UTP15: variants seen among roughly 807,000 people sequenced by gnomAD.
The protein encoded by UTP15 is U3 small nucleolar RNA-associated protein 15 homolog.
UTP15 carries 5 observed loss-of-function variants against 59.1 expected under a neutral mutation model. That is an observed-to-expected ratio of 0.08 (90% CI 0.04 to 0.18). UTP15 has a LOEUF of 0.18. Ranked by LOEUF, UTP15 falls within the 10% of genes least tolerant of loss-of-function variation. The pLI is 1.00. For synonymous variants in UTP15, 211 were observed against 212.2 expected, an observed-to-expected ratio of 0.99 and a Z score of 0.05; for missense variants, 494 against 616.7, an observed-to-expected ratio of 0.80 and a Z score of 2.11.
chr5:73,576,954 A>G lies in UTP15; in HGVS notation c.812A>G (p.Lys271Arg), dbSNP rs758200581. The G allele has an allele frequency of 1.3e-6, 2 of 1,576,754 alleles. No homozygotes were observed. Among genetic ancestry groups the G allele is most frequent in the South Asian group, 1.2e-5 (1 of 84,714 alleles). ...QRLLSGSLDRKVKVYSTTSYK... is the reference protein window; with the variant it reads ...QRLLSGSLDRRVKVYSTTSYK... ...ACAAAGCTTTTCCTTTTTATTAGGA[A>G]GGTGAAAGTATACAGCACAACTTCC... The change falls in exon 8 of 13, where the codon AAG becomes AGG. Residue 271 changes from lysine (K) to arginine (R), a missense_variant and splice_region_variant. By Grantham distance (26) the Lys-to-Arg change is conservative. Coordinates refer to ENST00000296792, the MANE Select transcript of UTP15 (RefSeq NM_032175.4).
At position 73,583,165 on chromosome 5, in the gene UTP15, A is replaced by G. The variant is rs1026685405; in HGVS notation, c.*3071A>G. On this transcript the variant is annotated 3_prime_UTR_variant, in exon 13 of 13. Transcript: ENST00000296792. The stretch of plus-strand genomic sequence containing the variant: ...GCCGCATGCCTGTTCCCTCAGCTAT[A>G]GTTAACTGGACCATGGTGGTACAAC... 1.3e-5 allele frequency: 2 copies of G among 152,200 alleles called. No individual in the cohort carries two copies. The highest frequency in any genetic ancestry group is 2.4e-5 in the African/African-American group (1 of 41,448). 9.4% of individuals were successfully genotyped at this position (152,200 alleles called of 1,614,324 possible).
rs188453797 is a variant in UTP15, at chr5:73,573,513, G to T, written c.809+889G>T. ...TCTGCCCACCACGCCCTCCCAAAGTGCTGGGATTACAGGTGTGAGCCACTG... is the reference window on the plus strand; with the variant it reads ...TCTGCCCACCACGCCCTCCCAAAGTTCTGGGATTACAGGTGTGAGCCACTG... On this transcript the variant is annotated intron_variant, in intron 7 of 12. Transcript: ENST00000296792. Among the ~76,000 whole-genome samples, 540 of 151,838 alleles carry T rather than the reference G, an allele frequency of 3.6e-3. 6 individuals carry two copies. The highest frequency in any genetic ancestry group is 0.029 in the Admixed American group (447 of 15,236).
At chr5:73,577,749 G>A in intron 8 of UTP15, 107 bp from the exon 9 acceptor site, 1 of 924,316 alleles carries the variant, frequency 1.1e-6, no homozygotes, top group Non-Finnish European at 1.6e-6. Context: ...GGAACTGTTG[G>A]TGAATGTATG....
chr5:73,578,051 G>T, intron 9 of UTP15, 46 bp downstream of exon 9: 1 of 1,561,750 alleles, frequency 6.4e-7, no homozygotes, highest in Non-Finnish European at 8.6e-7. Context: ...AAATTTGTTA[G>T]AGTAGCCAGC....
chr5:73,578,789 A>C lies in UTP15; in HGVS notation c.1083A>C (p.Leu361=), dbSNP rs746925172. Residue 361 remains leucine (L), a synonymous_variant, in exon 10 of 13, where the codon CTA becomes CTC. Coordinates refer to ENST00000296792, the MANE Select transcript of UTP15 (RefSeq NM_032175.4). ...ILINRPAKKH[L]ELYDRDLKHF... ...TTAACAGGCCAGCAAAGAAGCACCT[A>C]GAATTGTATGACAGGGATCTGAAAC... 70 of 1,613,356 alleles carry C rather than the reference A, an allele frequency of 4.3e-5. No individual in the cohort carries two copies. The highest frequency in any genetic ancestry group is 5.7e-5 in the Non-Finnish European group (67 of 1,179,496).
In UTP15 at chr5:73,579,301, A is replaced by C. The variant is rs899690873; in HGVS notation, c.1281-16A>C. 3 of 1,605,396 alleles carry C rather than the reference A, an allele frequency of 1.9e-6. No homozygotes were observed. The highest frequency in any genetic ancestry group is 3.4e-5 in the Admixed American group (2 of 58,426). On this transcript the variant is annotated splice_polypyrimidine_tract_variant and intron_variant, in intron 11 of 12. Transcript: ENST00000296792. ...TAAGTTTACAAGTTTCACTAAACTG[A>C]ATTTTTACTTTGTAGGAATCTTTCT...
rs1279180422 is a variant in UTP15 at position 73,582,100 on chromosome 5, C to A, written c.*2006C>A. On this transcript the variant is annotated 3_prime_UTR_variant, in exon 13 of 13. Coordinates refer to ENST00000296792, the MANE Select transcript of UTP15 (RefSeq NM_032175.4). ...ACAAAGGTTTTCCCATATGTCATTT[C>A]ATTTGATTCTCACCACAACCATCCA... The A allele has an allele frequency of 1.3e-5, 2 of 152,192 alleles. No individual in the cohort carries two copies. The highest frequency in any genetic ancestry group is 2.9e-5 in the Non-Finnish European group (2 of 68,028). 9.4% of individuals were successfully genotyped at this position (152,192 alleles called of 1,614,324 possible). A position where few individuals can be genotyped will look rare whatever the true frequency, so the allele number is the denominator to read the frequency against.
intron 9 of UTP15, 83 bp downstream of exon 9, chr5:73,578,088 G>A (rs1269295576): frequency 3.3e-5 from 48 of 1,439,672 alleles, no homozygotes; most frequent in South Asian, 6.3e-5. Flanking sequence ...ACTGGAAAGC[G>A]TAGTTCACAT....
intron 2 of UTP15, 83 bp from the exon 3 acceptor site, chr5:73,568,152 A>C: frequency 9.6e-7 from 1 of 1,036,734 alleles, no homozygotes; most frequent in East Asian, 2.6e-5. Context: ...GAACAAAGAG[A>C]AACGGTCTGT....
At chr5:73,568,835 C>T (rs1020582417) in intron 4 of UTP15, among the ~76,000 whole-genome samples, 1 of 152,008 alleles carries the variant, frequency 6.6e-6, no homozygotes, top group African/African-American at 2.4e-5. Context: ...ACACGTTTAT[C>T]TAGGGAGCTA....
intron 8 of UTP15, 128 bp downstream of exon 8, chr5:73,577,164 A>G: frequency 1.4e-6 from 1 of 723,774 alleles, no homozygotes; most frequent in South Asian, 1.8e-5. Flanking sequence ...TTGAGTTAAG[A>G]CAATTGCTGG....
Position 73,570,645 on chromosome 5 carries a change from G to A in UTP15, c.607G>A (p.Val203Ile), listed in dbSNP as rs145573358. ...ACGAACGAGTGAGAGTGTTCTCTCC[G>A]TTGAGCATGGGCAGCCAGTGGAGAG... is the stretch of plus-strand genomic sequence containing the variant. ...DARTSESVLS[V>I]EHGQPVESVL... is the part of the protein sequence containing the mutation. Residue 203 changes from valine to isoleucine, a missense_variant, in exon 6 of 13, where the codon GTT (valine) becomes ATT (isoleucine). Val to Ile is a conservative substitution (Grantham distance 29, BLOSUM62 3). Transcript: ENST00000296792. 234 of 1,614,024 alleles carry A rather than the reference G, an allele frequency of 1.4e-4. No homozygotes were observed. The Middle Eastern group carries it at 1.5e-3, about 10-fold the overall frequency.
chr5:73,578,790 G>A lies in UTP15; in HGVS notation c.1084G>A (p.Glu362Lys), dbSNP rs1748205813. The change falls in exon 10 of 13, where the codon GAA becomes AAA. Residue 362 changes from glutamate (E) to lysine (K), a missense_variant. By Grantham distance (56) the Glu-to-Lys change is moderately conservative. Coordinates refer to ENST00000296792, the MANE Select transcript of UTP15 (RefSeq NM_032175.4). ...TAACAGGCCAGCAAAGAAGCACCTA[G>A]AATTGTATGACAGGGATCTGAAACA... is the stretch of plus-strand genomic sequence containing the variant. ...LINRPAKKHLELYDRDLKHFR... is the reference protein window; with the variant it reads ...LINRPAKKHLKLYDRDLKHFR... 4.3e-6 allele frequency: 7 copies of A among 1,613,926 alleles called. No individual in the cohort carries two copies. Among genetic ancestry groups the A allele is most frequent in the Non-Finnish European group, 5.9e-6 (7 of 1,179,842 alleles).
chr5:73,573,672 G>T (rs1176167777), intron 7 of UTP15, among the ~76,000 whole-genome samples: 2 of 151,576 alleles, frequency 1.3e-5, no homozygotes, highest in African/African-American at 4.9e-5. Flanking sequence ...TGCTTCCCGG[G>T]TTCAAGCGAT....
chr5:73,580,216 G>A lies in UTP15; in HGVS notation c.*122G>A. On this transcript the variant is annotated 3_prime_UTR_variant, in exon 13 of 13. Coordinates refer to ENST00000296792, the MANE Select transcript of UTP15 (RefSeq NM_032175.4). ...TGTTTGCAGAAGCAGTTCTGTGGAA[G>A]AGACTGGAATAATTATGGCCGGAAA... 2 of 731,676 alleles carry A rather than the reference G, an allele frequency of 2.7e-6. No individual in the cohort carries two copies. The highest frequency in any genetic ancestry group is 4.3e-6 in the Non-Finnish European group (2 of 470,180). 45.3% of individuals were successfully genotyped at this position (731,676 alleles called of 1,614,324 possible). A position where few individuals can be genotyped will look rare whatever the true frequency, so the allele number is the denominator to read the frequency against.
Position 73,578,528 on chromosome 5 carries a change from T to C in UTP15, c.1045-223T>C, listed in dbSNP as rs905316767. Reference sequence around the variant, plus strand: ...TGGTGCATGTTGTAAGTTAAAATTATAAGAGAGTAAGAACATGTTGATGTA... The same window carrying C: ...TGGTGCATGTTGTAAGTTAAAATTACAAGAGAGTAAGAACATGTTGATGTA... On this transcript the variant is annotated intron_variant, in intron 9 of 12. Transcript: ENST00000296792. 19 of 468,532 alleles carry C rather than the reference T, an allele frequency of 4.1e-5. No homozygotes were observed. The South Asian group carries it at 5.8e-4, about 14-fold the overall frequency. The allele number at this position is 468,532 out of a possible 1,614,324, so 29.0% of individuals were successfully genotyped here. A position where few individuals can be genotyped will look rare whatever the true frequency, so the allele number is the denominator to read the frequency against.
At chr5:73,573,313 T>A (rs7701752) in intron 7 of UTP15, among the ~76,000 whole-genome samples, 56,544 of 149,584 alleles carry the variant, frequency 0.38, 12,081 homozygotes, top group East Asian at 0.66. Context: ...AGTGGCACAA[T>A]CTGGGCTTAC....
At position 73,570,470 on chromosome 5, in the gene UTP15, T is replaced by C. The variant is rs972421904; in HGVS notation, c.548-116T>C. On this transcript the variant is annotated intron_variant, in intron 5 of 12. Transcript: ENST00000296792. Reference sequence around the variant, plus strand: ...TCCTGTGTCTTCATGAATATACATATATGTCTTTTTAAAACTCCATCTAAG... The same window carrying C: ...TCCTGTGTCTTCATGAATATACATACATGTCTTTTTAAAACTCCATCTAAG... 1.9e-5 allele frequency: 19 copies of C among 1,011,530 alleles called. No homozygotes were observed. In the East Asian group the frequency reaches 4.4e-4, roughly 24 times the overall value. 62.7% of individuals were successfully genotyped at this position (1,011,530 alleles called of 1,614,324 possible).
At chr5:73,575,465 C>T (rs1220625) in intron 7 of UTP15, among the ~76,000 whole-genome samples, 50,229 of 151,872 alleles carry the variant, frequency 0.33, 9,311 homozygotes, top group African/African-American at 0.51. Flanking sequence ...GAACAACCCC[C>T]ACAAAAAAGA....
Sources: gnomAD v4.1 joint callset for allele counts (sites outside exome capture counted in the v4.1 genomes callset) on GRCh38, gnomAD v4.1.1 for gene constraint, MANE v1.5 for transcripts, NCBI Gene and HGNC (gene_info 2026-07-23, HGNC 2026-07-21) for gene names.